The following KCND2 variants were observed in gnomAD, a reference collection of about 807,000 sequenced individuals.
KCND2 encodes potassium voltage-gated channel subfamily D member 2.
In KCND2, 16 loss-of-function variants were observed where a neutral mutation model predicts 54.4. The observed-to-expected ratio is 0.29, with a 90% CI of 0.20 to 0.45. The LOEUF is 0.45. KCND2 is among the 20% of genes least tolerant of loss of function. The pLI, the probability that KCND2 is intolerant of heterozygous loss-of-function variation, is 1.00. For missense variants in KCND2, 486 were observed against 824.2 expected, an observed-to-expected ratio of 0.59 and a Z score of 5.02; for synonymous variants, 317 against 310.7, an observed-to-expected ratio of 1.02 and a Z score of -0.21.
intron 1 of KCND2, among the ~76,000 whole-genome samples, chr7:120,581,213 T>C (rs1182188780): frequency 1.3e-5 from 2 of 152,238 alleles, no homozygotes; most frequent in Non-Finnish European, 2.9e-5. Flanking sequence ...ATGACTAGTG[T>C]CAACAGACTG....
intron 1 of KCND2, among the ~76,000 whole-genome samples, chr7:120,728,860 GAT>G (rs1351045058): frequency 6.6e-6 from 1 of 151,978 alleles, no homozygotes; most frequent in Non-Finnish European, 1.5e-5. Flanking sequence ...GGAAAAATGA[GAT>G]ATATTTTTTT....
chr7:120,734,427 C>T (rs950954912), intron 2 of KCND2, among the ~76,000 whole-genome samples: 2 of 152,104 alleles, frequency 1.3e-5, no homozygotes, highest in Admixed American at 6.6e-5. Context: ...AGATGGTAAT[C>T]CTCAAGTACC....
At chr7:120,669,725 G>A (rs185592022) in intron 1 of KCND2, among the ~76,000 whole-genome samples, 4 of 152,212 alleles carry the variant, frequency 2.6e-5, no homozygotes, top group East Asian at 3.9e-4. Flanking sequence ...TGAAGTCTGC[G>A]CCAGTGATAA....
At chr7:120,538,859 G>A (rs898498112) in intron 1 of KCND2, among the ~76,000 whole-genome samples, 1 of 152,278 alleles carries the variant, frequency 6.6e-6, no homozygotes, top group Admixed American at 6.5e-5. Context: ...CCCAGGGGCT[G>A]TGGATATACA....
At chr7:120,649,546 C>A (rs1255361148) in intron 1 of KCND2, among the ~76,000 whole-genome samples, 1 of 152,030 alleles carries the variant, frequency 6.6e-6, no homozygotes, top group Non-Finnish European at 1.5e-5. Context: ...TGTCTTTTGG[C>A]TGCATAAATG....
intron 1 of KCND2, among the ~76,000 whole-genome samples, chr7:120,308,557 C>T (rs1046888035): frequency 2.0e-5 from 3 of 152,184 alleles, no homozygotes; most frequent in Non-Finnish European, 4.4e-5. Flanking sequence ...TTTATTATCA[C>T]AAACAATTGC....
At chr7:120,462,170 G>GT (rs34501861) in intron 1 of KCND2, among the ~76,000 whole-genome samples, 40,180 of 150,756 alleles carry the variant, frequency 0.27, 8,078 homozygotes, top group East Asian at 0.56. Flanking sequence ...ACTTCAAAGT[G>GT]ATTGTCCCAT....
intron 1 of KCND2, among the ~76,000 whole-genome samples, chr7:120,547,175 T>G (rs891917278): frequency 1.3e-5 from 2 of 151,962 alleles, no homozygotes; most frequent in African/African-American, 4.8e-5. Flanking sequence ...AAATTTTCCT[T>G]CTGTTAAATA....
intron 1 of KCND2, among the ~76,000 whole-genome samples, chr7:120,449,535 A>G (rs1360653032): frequency 2.0e-5 from 3 of 152,174 alleles, no homozygotes; most frequent in Non-Finnish European, 4.4e-5. Context: ...ACATTGGTTT[A>G]TTAGGAGAGA....
At chr7:120,514,956 A>G (rs1303049943) in intron 1 of KCND2, among the ~76,000 whole-genome samples, 1 of 152,062 alleles carries the variant, frequency 6.6e-6, no homozygotes, top group East Asian at 1.9e-4. Context: ...ACCGTAAATG[A>G]GTTATTAAGT....
chr7:120,396,952 A>G (rs116754923), intron 1 of KCND2, among the ~76,000 whole-genome samples: 222 of 152,166 alleles, frequency 1.5e-3, no homozygotes, highest in African/African-American at 5.0e-3. Context: ...AGGCTTTGGG[A>G]AGTCAAGCTA....
intron 1 of KCND2, among the ~76,000 whole-genome samples, chr7:120,429,592 C>A (rs958188138): frequency 6.6e-6 from 1 of 152,056 alleles, no homozygotes; most frequent in East Asian, 1.9e-4. Context: ...GTGAGTTGAA[C>A]TCGTCAGTTT....
chr7:120,321,037 C>A lies in KCND2; in HGVS notation c.1115+45290C>A, dbSNP rs557117912. Among the ~76,000 whole-genome samples, 6 of 152,216 alleles carry A rather than the reference C, an allele frequency of 3.9e-5. No individual in the cohort carries two copies. In the East Asian group the frequency reaches 9.6e-4, roughly 24 times the overall value. ...TTTGACAGTGCCCAATTCATAGTAC[C>A]TTCCCAGCATTAAATGCTAACCTTT... On this transcript the variant is annotated intron_variant, in intron 1 of 5. Coordinates refer to ENST00000331113, the MANE Select transcript of KCND2 (RefSeq NM_012281.3).
At chr7:120,557,520 C>G (rs929929222) in intron 1 of KCND2, among the ~76,000 whole-genome samples, 13 of 152,126 alleles carry the variant, frequency 8.5e-5, no homozygotes, top group African/African-American at 2.4e-5. Flanking sequence ...GTTGGGCCCA[C>G]TTGAAATATC....
chr7:120,745,986 G>A lies in KCND2; in HGVS notation c.1674G>A (p.Thr558=), dbSNP rs142262674. 1.5e-5 allele frequency: 25 copies of A among 1,613,614 alleles called. No individual in the cohort carries two copies. In the African/African-American group the frequency reaches 1.7e-4, roughly 11 times the overall value. Residue 558 remains threonine (T), a synonymous_variant, in exon 5 of 6, where the codon ACG becomes ACA. Transcript: ENST00000331113. ...AAGGTAGTATACAAGAACTCAGCACGATTCAGATCAGATGTGTGGAGAGAA... is the reference window on the plus strand; with the variant it reads ...AAGGTAGTATACAAGAACTCAGCACAATTCAGATCAGATGTGTGGAGAGAA... ...SHQGSIQELS[T]IQIRCVERTP... is the part of the protein sequence containing the mutation.
At chr7:120,653,396 A>G (rs1010018092) in intron 1 of KCND2, among the ~76,000 whole-genome samples, 1 of 152,078 alleles carries the variant, frequency 6.6e-6, no homozygotes, top group Non-Finnish European at 1.5e-5. Context: ...ATAGTGGAAT[A>G]AAGAAAAGAT....
At chr7:120,719,066 T>C (rs1357055269) in intron 1 of KCND2, among the ~76,000 whole-genome samples, 1 of 152,034 alleles carries the variant, frequency 6.6e-6, no homozygotes, top group Non-Finnish European at 1.5e-5. Flanking sequence ...ACTAGATACG[T>C]TTTTGAGGAA....
intron 1 of KCND2, among the ~76,000 whole-genome samples, chr7:120,506,228 G>A (rs1281490199): frequency 2.0e-5 from 3 of 151,546 alleles, no homozygotes; most frequent in Non-Finnish European, 4.4e-5. Context: ...TATTGAGTTC[G>A]ATCCAAGTGC....
intron 5 of KCND2, among the ~76,000 whole-genome samples, chr7:120,747,182 A>G (rs1793017732): frequency 6.6e-6 from 1 of 152,106 alleles, no homozygotes; most frequent in South Asian, 2.1e-4. Flanking sequence ...AGTGTTAGAT[A>G]GTAATAGATA....
Sources: gnomAD v4.1 joint callset for allele counts (sites outside exome capture counted in the v4.1 genomes callset) on GRCh38, gnomAD v4.1.1 for gene constraint, MANE v1.5 for transcripts, NCBI Gene and HGNC (gene_info 2026-07-23, HGNC 2026-07-21) for gene names.